Variants in KIRREL3 observed in about 807,000 individuals in gnomAD.
The protein encoded by KIRREL3 is kin of IRRE-like protein 3.
In KIRREL3, 36 loss-of-function variants were observed where a neutral mutation model predicts 89.7. The ratio of observed to expected loss-of-function variants is 0.40; its 90% confidence interval spans 0.31 to 0.53. The LOEUF (loss-of-function observed/expected upper bound fraction) is 0.53. Among genes scored for constraint, KIRREL3 ranks in the 20% least tolerant of loss-of-function variants. The pLI is 0.49. For synonymous variants in KIRREL3, 445 were observed against 441.4 expected, an observed-to-expected ratio of 1.01 and a Z score of -0.10; for missense variants, 864 against 1,056.6, an observed-to-expected ratio of 0.82 and a Z score of 2.53.
intron 4 of KIRREL3, among the ~76,000 whole-genome samples, chr11:126,480,645 G>A (rs1957191706): frequency 6.6e-6 from 1 of 152,214 alleles, no homozygotes; most frequent in Admixed American, 6.5e-5. Context: ...TGGCCCTAGA[G>A]CTCTGCGAAG....
At chr11:126,450,098 G>A (rs938941678) in intron 7 of KIRREL3, among the ~76,000 whole-genome samples, 6 of 152,274 alleles carry the variant, frequency 3.9e-5, no homozygotes, top group African/African-American at 1.4e-4. Context: ...TGACCCAGCA[G>A]CCTGCTGTGT....
rs968999847 is a variant in KIRREL3 at position 126,485,913 on chromosome 11, C to T, written c.434-12447G>A. Among the ~76,000 whole-genome samples, 3 of 152,206 alleles carry T rather than the reference C, an allele frequency of 2.0e-5. No homozygotes were observed. The East Asian group carries it at 5.8e-4, about 29-fold the overall frequency. On this transcript the variant is annotated intron_variant, in intron 4 of 16. Transcript: ENST00000525144. The surrounding 1 kb of genome is among the most constrained non-coding windows in gnomAD (Gnocchi z 5.8). ...GCAGGAGACCCCAAGGGAGGGAGGG[C>T]TAGTCCAGTGGGCCAGGGAAAGGGA...
intron 1 of KIRREL3, among the ~76,000 whole-genome samples, chr11:126,756,097 AT>A: frequency 6.6e-6 from 1 of 152,324 alleles, no homozygotes; most frequent in Middle Eastern, 3.4e-3. Flanking sequence ...CCGATTATGT[AT>A]TTGGCCAATA....
chr11:126,504,226 A>G (rs1244848074), intron 4 of KIRREL3, among the ~76,000 whole-genome samples: 2 of 152,128 alleles, frequency 1.3e-5, no homozygotes, highest in Non-Finnish European at 2.9e-5. Context: ...CTGCTATTCC[A>G]GCCTGAGTCC....
rs1391299071 is a variant in KIRREL3 at position 126,985,609 on chromosome 11, G to A, written c.55+14846C>T. ...GGAGACGGCCACTCCAGAGGGACAG[G>A]AGGCACGAGGGAGCAGAGCACATTC... On this transcript the variant is annotated intron_variant, in intron 1 of 16. Coordinates refer to ENST00000525144, the MANE Select transcript of KIRREL3 (RefSeq NM_032531.4). The surrounding 1 kb of genome is among the most constrained non-coding windows in gnomAD (Gnocchi z 5.3). Among the ~76,000 whole-genome samples, 4 of 152,100 alleles carry A rather than the reference G, an allele frequency of 2.6e-5. No homozygotes were observed. Among genetic ancestry groups the A allele is most frequent in the African/African-American group, 9.7e-5 (4 of 41,398 alleles).
At chr11:126,810,500 CAT>C (rs531887627) in intron 1 of KIRREL3, among the ~76,000 whole-genome samples, 76 of 152,278 alleles carry the variant, frequency 5.0e-4, no homozygotes, top group Middle Eastern at 3.4e-3. Context: ...CGGATTTCCA[CAT>C]GTTTCCAAGC....
At position 126,682,731 on chromosome 11, in the gene KIRREL3, T is replaced by C. The variant is rs1411738247; in HGVS notation, c.56-119819A>G. Among the ~76,000 whole-genome samples, 1 of 152,124 alleles carries C rather than the reference T, an allele frequency of 6.6e-6. No homozygotes were observed. Among genetic ancestry groups the C allele is most frequent in the Non-Finnish European group, 1.5e-5 (1 of 68,022 alleles). On this transcript the variant is annotated intron_variant, in intron 1 of 16. Transcript: ENST00000525144. The surrounding 1 kb of genome is among the most constrained non-coding windows in gnomAD (Gnocchi z 4.8). ...TCACATGCGCAGTTCACAACAGGGC[T>C]GGTGCTCCTAGGAGAATCTAACGCC...
At position 126,800,317 on chromosome 11, in the gene KIRREL3, G is replaced by T. The variant is rs1416419419; in HGVS notation, c.55+200138C>A. On this transcript the variant is annotated intron_variant, in intron 1 of 16. Coordinates refer to ENST00000525144, the MANE Select transcript of KIRREL3 (RefSeq NM_032531.4). ...TCCTCATCTGAGCACTCAGCCACTT[G>T]CTTGAGCTCCTGCTCTGCCTTCTAG... 2.0e-5 allele frequency among the ~76,000 whole-genome samples: 3 copies of T among 152,322 alleles called. No individual in the cohort carries two copies. In the East Asian group the frequency reaches 5.8e-4, roughly 29 times the overall value.
chr11:126,792,063 G>C (rs982470848), intron 1 of KIRREL3, among the ~76,000 whole-genome samples: 2 of 152,146 alleles, frequency 1.3e-5, no homozygotes, highest in African/African-American at 2.4e-5. Flanking sequence ...CTTGCTCTTA[G>C]CTGGCTAGTA....
chr11:126,660,626 C>T (rs1423951050), intron 1 of KIRREL3, among the ~76,000 whole-genome samples: 1 of 11,854 alleles, frequency 8.4e-5, no homozygotes, highest in Non-Finnish European at 1.3e-4. Flanking sequence ...GTTGAATGCC[C>T]ACATTGGAGG....
chr11:126,584,260 C>T (rs1353835535), intron 1 of KIRREL3, among the ~76,000 whole-genome samples: 1 of 152,186 alleles, frequency 6.6e-6, no homozygotes, highest in Non-Finnish European at 1.5e-5. Flanking sequence ...ACAGTTGGTG[C>T]CCCGGAATTA....
At chr11:126,794,805 A>G (rs902206584) in intron 1 of KIRREL3, among the ~76,000 whole-genome samples, 2 of 152,254 alleles carry the variant, frequency 1.3e-5, no homozygotes, top group Non-Finnish European at 2.9e-5. Flanking sequence ...ATGAATGTCT[A>G]TAACAGCTTT....
rs996277490 is a variant in KIRREL3 at position 126,892,683 on chromosome 11, AT to A, written c.55+107771del. 3.3e-4 allele frequency among the ~76,000 whole-genome samples: 50 copies of A among 152,138 alleles called. No individual in the cohort carries two copies. The highest frequency in any genetic ancestry group is 1.1e-3 in the African/African-American group (46 of 41,484). On this transcript the variant is annotated intron_variant, in intron 1 of 16. Coordinates refer to ENST00000525144, the MANE Select transcript of KIRREL3 (RefSeq NM_032531.4). The surrounding 1 kb of genome is among the most constrained non-coding windows in gnomAD (Gnocchi z 5.4). ...AGGCATGACCCCTTTTCTCTGGTTG[AT>A]TTCATCTCCAGTAGCCAAGTAGAAA...
At chr11:126,901,818 G>A (rs1412707602) in intron 1 of KIRREL3, among the ~76,000 whole-genome samples, 6 of 152,292 alleles carry the variant, frequency 3.9e-5, no homozygotes, top group African/African-American at 1.2e-4. Flanking sequence ...TGGCTCTGGA[G>A]AGCAAAATCC....
chr11:126,765,122 T>C (rs968737163), intron 1 of KIRREL3, among the ~76,000 whole-genome samples: 2 of 152,160 alleles, frequency 1.3e-5, no homozygotes, highest in African/African-American at 4.8e-5. Context: ...CTTCAAGCCA[T>C]CTATGGTTGC....
intron 1 of KIRREL3, among the ~76,000 whole-genome samples, chr11:126,792,164 C>T (rs4937185): frequency 0.81 from 123,786 of 152,104 alleles, 50,597 homozygotes; most frequent in East Asian, 1. Context: ...AATCAGATCC[C>T]TGTTCTGTCA....
rs552172427 is a variant in KIRREL3 at position 126,578,425 on chromosome 11, C to T, written c.56-15513G>A. Among the ~76,000 whole-genome samples, 10 of 152,268 alleles carry T rather than the reference C, an allele frequency of 6.6e-5. No homozygotes were observed. Among genetic ancestry groups the T allele is most frequent in the African/African-American group, 1.2e-4 (5 of 41,548 alleles). ...AGAAAAGGGATGATCTTGGTCTTGGCGTGAACTTCCACATGAACGTGACTC... is the reference window on the plus strand; with the variant it reads ...AGAAAAGGGATGATCTTGGTCTTGGTGTGAACTTCCACATGAACGTGACTC... On this transcript the variant is annotated intron_variant, in intron 1 of 16. Coordinates refer to ENST00000525144, the MANE Select transcript of KIRREL3 (RefSeq NM_032531.4). This position sits in a 1 kb window ranked among gnomAD's most constrained non-coding sequence, Gnocchi z 4.9.
At chr11:126,841,957 C>G (rs1410866685) in intron 1 of KIRREL3, among the ~76,000 whole-genome samples, 1 of 152,216 alleles carries the variant, frequency 6.6e-6, no homozygotes, top group Admixed American at 6.5e-5. Flanking sequence ...AGGGGGTAAC[C>G]TTGCTTCCCG....
In KIRREL3 at chr11:126,655,326, A is replaced by C. The variant is rs990870102; in HGVS notation, c.56-92414T>G. On this transcript the variant is annotated intron_variant, in intron 1 of 16. Coordinates refer to ENST00000525144, the MANE Select transcript of KIRREL3 (RefSeq NM_032531.4). This position sits in a 1 kb window ranked among gnomAD's most constrained non-coding sequence, Gnocchi z 5.0. ...CTCTCAAAATTAGGTCAGGGCTTGC[A>C]GAGGCAGGGACTTGCCAAGGTGCTA... Among the ~76,000 whole-genome samples the C allele has an allele frequency of 6.6e-6, 1 of 152,218 alleles. No individual in the cohort carries two copies. The highest frequency in any genetic ancestry group is 1.5e-5 in the Non-Finnish European group (1 of 68,024).
Sources: gnomAD v4.1 joint callset for allele counts (sites outside exome capture counted in the v4.1 genomes callset) on GRCh38, gnomAD v4.1.1 for gene constraint, Gnocchi (gnomAD v3.1) non-coding constraint, MANE v1.5 for transcripts, NCBI Gene and HGNC (gene_info 2026-07-23, HGNC 2026-07-21) for gene names.